Variants in INO80 observed in about 807,000 individuals in gnomAD.
INO80 encodes chromatin-remodeling ATPase INO80.
In INO80, 20 loss-of-function variants were observed where a neutral mutation model predicts 203.4. That is an observed-to-expected ratio of 0.10 (90% CI 0.07 to 0.14). The LOEUF is 0.14. Ranked by LOEUF, INO80 falls within the 10% of genes least tolerant of loss-of-function variation. The pLI is 1.00. For synonymous variants in INO80, 726 were observed against 685.2 expected (o/e 1.06, Z -0.93); for missense variants, 1,419 against 1,914.4 (o/e 0.74, Z 4.83).
rs1207138488 is a variant in INO80, at chr15:41,021,133, T to TA, written c.3049-9dup. 3 of 1,595,690 alleles carry TA rather than the reference T, an allele frequency of 1.9e-6. No individual in the cohort carries two copies. The highest frequency in any genetic ancestry group is 2.6e-6 in the Non-Finnish European group (3 of 1,163,320). On this transcript the variant is annotated splice_polypyrimidine_tract_variant and intron_variant, in intron 25 of 35. Transcript: ENST00000648947. ...CAATGGCACTGCGGTAACCTGCAGT[T>TA]AAAGATTCACATGAGATGGCTCTTT...
At chr15:41,074,337 T>C (rs759220249) in intron 10 of INO80, 33 bp downstream of exon 10, 13 of 1,478,792 alleles carry the variant, frequency 8.8e-6, no homozygotes, top group African/African-American at 4.2e-5. Context: ...AAATAAGAGG[T>C]AGCCTTCCTC....
Position 40,998,983 on chromosome 15 carries a change from T to TACACACACACACACACAC in INO80, c.3498-1400_3498-1383dup, listed in dbSNP as rs10650860. Among the ~76,000 whole-genome samples the TACACACACACACACACAC allele has an allele frequency of 8.0e-3, 1,117 of 140,392 alleles. 19 individuals are homozygous for TACACACACACACACACAC. Among genetic ancestry groups the TACACACACACACACACAC allele is most frequent in the African/African-American group, 0.021 (793 of 36,920 alleles). 92.1% of individuals were successfully genotyped at this position (140,392 alleles called of 152,430 possible). On this transcript the variant is annotated intron_variant, in intron 28 of 35. Coordinates refer to ENST00000648947, the MANE Select transcript of INO80 (RefSeq NM_017553.3). ...CAGGCTTTTGACTCTAAGATTTATC[T>TACACACACACACACACAC]ACACACACACACACACACACACACA... is the stretch of plus-strand genomic sequence containing the variant.
rs771472661 is a variant in INO80 at position 40,979,980 on chromosome 15, T to A, written c.*243A>T. 6 of 552,698 alleles carry A rather than the reference T, an allele frequency of 1.1e-5. No homozygotes were observed. Among genetic ancestry groups the A allele is most frequent in the Non-Finnish European group, 2.0e-5 (6 of 307,186 alleles). 34.2% of individuals were successfully genotyped at this position (552,698 alleles called of 1,614,324 possible). A position where few individuals can be genotyped will look rare whatever the true frequency, so the allele number is the denominator to read the frequency against. On this transcript the variant is annotated 3_prime_UTR_variant, in exon 36 of 36. Coordinates refer to ENST00000648947, the MANE Select transcript of INO80 (RefSeq NM_017553.3). ...TTTAAGACTTGGCTATACAGTTCAC[T>A]TGAGATGCAGTGGGGCTGATCCATG...
rs1366123230 is a variant in INO80 at position 40,991,969 on chromosome 15, G to A, written c.3571-3995C>T. Among the ~76,000 whole-genome samples, 13 of 152,220 alleles carry A rather than the reference G, an allele frequency of 8.5e-5. No individual in the cohort carries two copies. In the East Asian group the frequency reaches 2.5e-3, roughly 29 times the overall value. On this transcript the variant is annotated intron_variant, in intron 29 of 35. Transcript: ENST00000648947. ...ATTTTTTGCATTTTTAGAGAGACGG[G>A]GTTTCACTGTGTTAGCCAGGATGGT...
At chr15:41,054,081 C>A in intron 18 of INO80, 67 bp from the exon 19 acceptor site, 2 of 1,215,172 alleles carry the variant, frequency 1.6e-6, no homozygotes, top group Non-Finnish European at 2.4e-6. Flanking sequence ...GAAACAAATA[C>A]CACATTCACC....
rs192225686 is a variant in INO80, at chr15:41,075,000, G to C, written c.1132-435C>G. Among the ~76,000 whole-genome samples, 561 of 152,226 alleles carry C rather than the reference G, an allele frequency of 3.7e-3. 3 individuals are homozygous for C. The highest frequency in any genetic ancestry group is 0.013 in the South Asian group (65 of 4,824). Reference sequence around the variant, plus strand: ...GATCCACTGGCTTCAGCATCCCAAAGTGCTGGGATTACAGGCATGAGCCAC... The same window carrying C: ...GATCCACTGGCTTCAGCATCCCAAACTGCTGGGATTACAGGCATGAGCCAC... On this transcript the variant is annotated intron_variant, in intron 9 of 35. Transcript: ENST00000648947.
intron 21 of INO80, among the ~76,000 whole-genome samples, 167 bp downstream of exon 21, chr15:41,049,120 C>T (rs1269370526): frequency 6.6e-6 from 1 of 152,228 alleles, no homozygotes; most frequent in East Asian, 1.9e-4. Context: ...GAAGTTTTAA[C>T]AGTGCTCAAA....
At chr15:41,074,187 C>T (rs934085414) in intron 10 of INO80, among the ~76,000 whole-genome samples, 183 bp downstream of exon 10, 1 of 152,134 alleles carries the variant, frequency 6.6e-6, no homozygotes. Context: ...TATTCAAATT[C>T]TTTAATAAAT....
intron 25 of INO80, among the ~76,000 whole-genome samples, chr15:41,021,364 G>C (rs1350788284): frequency 6.6e-6 from 1 of 152,154 alleles, no homozygotes; most frequent in South Asian, 2.1e-4. Context: ...AAGAGAGCTG[G>C]AGTTTGCAGA....
At chr15:40,984,932 T>G (rs1893964222) in intron 32 of INO80, among the ~76,000 whole-genome samples, 1 of 152,208 alleles carries the variant, frequency 6.6e-6, no homozygotes, top group African/African-American at 2.4e-5. Context: ...AACCGGGGGT[T>G]TATTTTTCTA....
intron 25 of INO80, among the ~76,000 whole-genome samples, chr15:41,022,023 G>A (rs568443604): frequency 1.3e-5 from 2 of 152,316 alleles, no homozygotes; most frequent in South Asian, 2.1e-4. Context: ...TCAAGCCCAC[G>A]CTGACAAATA....
chr15:41,072,641 CA>C (rs747499405), intron 11 of INO80, among the ~76,000 whole-genome samples: 716 of 45,962 alleles, frequency 0.016, 1 homozygote, highest in African/African-American at 0.038. Context: ...ACTCCCGCCT[CA>C]AAAAAAAAAA....
At chr15:41,081,894 C>T (rs2045490086) in intron 7 of INO80, among the ~76,000 whole-genome samples, 1 of 151,804 alleles carries the variant, frequency 6.6e-6, no homozygotes, top group Admixed American at 6.6e-5. Flanking sequence ...AAAAAAAAAA[C>T]TCTTACTAAT....
At chr15:41,053,709 T>C (rs1465594556) in intron 19 of INO80, among the ~76,000 whole-genome samples, 1 of 152,220 alleles carries the variant, frequency 6.6e-6, no homozygotes, top group Admixed American at 6.5e-5. Flanking sequence ...TCTATTTTTG[T>C]AATGTTTCAA....
intron 31 of INO80, 132 bp downstream of exon 31, chr15:40,986,959 T>C (rs1371720918): frequency 1.8e-6 from 1 of 553,308 alleles, no homozygotes; most frequent in Non-Finnish European, 3.3e-6. Context: ...TTTGGGTTTT[T>C]ATATAAAATA....
chr15:41,057,401 C>T (rs1240495047), intron 16 of INO80, among the ~76,000 whole-genome samples: 2 of 151,042 alleles, frequency 1.3e-5, no homozygotes, highest in Non-Finnish European at 3.0e-5. Context: ...GCAGTGAGCC[C>T]CAACTGCGCC....
chr15:41,071,704 G>A (rs957026485), intron 12 of INO80, 145 bp downstream of exon 12: 37 of 619,052 alleles, frequency 6.0e-5, no homozygotes, highest in Non-Finnish European at 8.9e-5. Context: ...CAGGTGATCC[G>A]CCTGCCTTGG....
intron 7 of INO80, among the ~76,000 whole-genome samples, chr15:41,082,680 G>A (rs1175910457): frequency 6.6e-6 from 1 of 151,748 alleles, no homozygotes; most frequent in Non-Finnish European, 1.5e-5. Flanking sequence ...CTCCAACCTG[G>A]GTGACAAGAG....
At chr15:41,089,254 C>T (rs958613585) in intron 5 of INO80, among the ~76,000 whole-genome samples, 6 of 152,034 alleles carry the variant, frequency 3.9e-5, no homozygotes, top group African/African-American at 1.4e-4. Context: ...CGCCAAGTAC[C>T]TTACTGCTGG....
Sources: gnomAD v4.1 joint callset for allele counts (sites outside exome capture counted in the v4.1 genomes callset) on GRCh38, gnomAD v4.1.1 for gene constraint, MANE v1.5 for transcripts, NCBI Gene and HGNC (gene_info 2026-07-23, HGNC 2026-07-21) for gene names.